Variants in TMEM63A observed in about 807,000 individuals in gnomAD.
TMEM63A encodes mechanosensitive cation channel TMEM63A.
A neutral mutation model predicts 100.6 loss-of-function variants in TMEM63A; 76 were observed. The ratio of observed to expected loss-of-function variants is 0.76; its 90% CI spans 0.63 to 0.91. The LOEUF (loss-of-function observed/expected upper bound fraction) is 0.91. Among genes scored for constraint, TMEM63A ranks in the 40% least tolerant of loss-of-function variants. The pLI, the probability that TMEM63A is intolerant of heterozygous loss-of-function variation, is 0.00. For missense variants in TMEM63A, 876 were observed against 1,008.8 expected, an observed-to-expected ratio of 0.87 and a Z score of 1.78; for synonymous variants, 401 against 401.1, an observed-to-expected ratio of 1.00 and a Z score of 0.00.
chr1:225,848,213 G>A (rs569670829), intron 23 of TMEM63A: 17 of 464,084 alleles, frequency 3.7e-5, no homozygotes, highest in Non-Finnish European at 5.7e-5. Flanking sequence ...AACTCACCAG[G>A]CATTAAATAT....
At position 225,859,503 on chromosome 1, in the gene TMEM63A, T is replaced by C. The variant is rs962777861; in HGVS notation, c.1224-154A>G. On this transcript the variant is annotated intron_variant, in intron 14 of 24. Transcript: ENST00000366835. ...AACTACAGAAAGACCAAATCTTAGG[T>C]CCCCAAGAGCTCAGAGGGAACAATT... 9.2e-5 allele frequency: 81 copies of C among 881,580 alleles called. No individual in the cohort carries two copies. In the African/African-American group the frequency reaches 1.2e-3, roughly 13 times the overall value. 54.6% of individuals were successfully genotyped at this position (881,580 alleles called of 1,614,324 possible).
In TMEM63A at chr1:225,867,857, C is replaced by T; in HGVS notation, c.514+31G>A. 1 of 1,613,542 alleles carries T rather than the reference C, an allele frequency of 6.2e-7. No individual in the cohort carries two copies. Among genetic ancestry groups the T allele is most frequent in the Non-Finnish European group, 8.5e-7 (1 of 1,179,700 alleles). On this transcript the variant is annotated intron_variant, in intron 7 of 24. Transcript: ENST00000366835. The surrounding 1 kb of genome is among the most constrained non-coding windows in gnomAD (Gnocchi z 4.6). ...CTAGGACTGCCACTCTGCCCCATTACAACATAGACAAGGGTGAGGAGGGTC... is the reference window on the plus strand; with the variant it reads ...CTAGGACTGCCACTCTGCCCCATTATAACATAGACAAGGGTGAGGAGGGTC...
Position 225,862,409 on chromosome 1 carries a change from C to A in TMEM63A, c.951+46G>T, listed in dbSNP as rs762158571. 1 of 1,613,840 alleles carries A rather than the reference C, an allele frequency of 6.2e-7. No individual in the cohort carries two copies. The highest frequency in any genetic ancestry group is 1.1e-5 in the South Asian group (1 of 91,068). On this transcript the variant is annotated intron_variant, in intron 12 of 24. Transcript: ENST00000366835. This position sits in a 1 kb window ranked among gnomAD's most constrained non-coding sequence, Gnocchi z 5.1. ...GGCCCCATGCTGGTATCTGGGGCACCCCGATGCCAATGCCTCTGCTCCCAG... is the reference window on the plus strand; with the variant it reads ...GGCCCCATGCTGGTATCTGGGGCACACCGATGCCAATGCCTCTGCTCCCAG...
rs771680778 is a variant in TMEM63A at position 225,846,590 on chromosome 1, C to T, written c.*349G>A. 1.3e-5 allele frequency: 2 copies of T among 154,672 alleles called. No individual in the cohort carries two copies. Among genetic ancestry groups the T allele is most frequent in the Non-Finnish European group, 2.9e-5 (2 of 69,810 alleles). 9.6% of individuals were successfully genotyped at this position (154,672 alleles called of 1,614,324 possible). ...TGGACTGCAGCATCTCTTTGGTTAT[C>T]GGTTGTGTGTGTGCTCAGAAGGGAG... On this transcript the variant is annotated 3_prime_UTR_variant, in exon 25 of 25. Transcript: ENST00000366835.
rs370296788 is a variant in TMEM63A at position 225,874,186 on chromosome 1, AT to A, written c.266+101del. On this transcript the variant is annotated intron_variant, in intron 4 of 24. Transcript: ENST00000366835. ...TTCCAGGGACACACACACACACACT[AT>A]ACACACATATATGCACACACGCACA... 111 of 1,160,392 alleles carry A rather than the reference AT, an allele frequency of 9.6e-5. 2 individuals are homozygous for A. The African/African-American group carries it at 1.5e-3, about 16-fold the overall frequency. 71.9% of individuals were successfully genotyped at this position (1,160,392 alleles called of 1,614,324 possible).
chr1:225,874,115 T>C (rs1211951544), intron 4 of TMEM63A, among the ~76,000 whole-genome samples, 173 bp downstream of exon 4: 3 of 152,206 alleles, frequency 2.0e-5, no homozygotes, highest in Non-Finnish European at 4.4e-5. Flanking sequence ...AGCAGTGTCA[T>C]GTGTGGGTCC....
At position 225,874,297 on chromosome 1, in the gene TMEM63A, T is replaced by G; in HGVS notation, c.257A>C (p.Glu86Ala). 6.2e-7 allele frequency: 1 copy of G among 1,614,012 alleles called. No individual in the cohort carries two copies. The highest frequency in any genetic ancestry group is 8.5e-7 in the Non-Finnish European group (1 of 1,179,996). The change falls in exon 4 of 25, where the codon GAA becomes GCA. Residue 86 changes from glutamate (E) to alanine (A), a missense_variant. Glu to Ala is a moderately radical substitution (Grantham distance 107). Coordinates refer to ENST00000366835, the MANE Select transcript of TMEM63A (RefSeq NM_014698.3). ...GGCGATATGTCTTTACCTGTCTGCT[T>G]CTGACACCAGGGCAATGCGGCCATA... is the stretch of plus-strand genomic sequence containing the variant. ...WDYGRIALVS[E>A]ADSESRFQRL... is the part of the protein sequence containing the mutation.
chr1:225,849,045 G>A, intron 21 of TMEM63A, 33 bp from the exon 22 acceptor site: 4 of 1,021,576 alleles, frequency 3.9e-6, no homozygotes, highest in Non-Finnish European at 4.5e-6. Context: ...CTTGGGGTGG[G>A]CAGGGAGGGG....
At position 225,862,437 on chromosome 1, in the gene TMEM63A, G is replaced by T. The variant is rs531251895; in HGVS notation, c.951+18C>A. The T allele has an allele frequency of 6.2e-7, 1 of 1,613,398 alleles. No homozygotes were observed. Among genetic ancestry groups the T allele is most frequent in the Admixed American group, 1.7e-5 (1 of 59,988 alleles). ...GATGCCAATGCCTCTGCTCCCAGCC[G>T]GGGGGTGGGACCCTTACCCACTCAC... On this transcript the variant is annotated intron_variant, in intron 12 of 24. Coordinates refer to ENST00000366835, the MANE Select transcript of TMEM63A (RefSeq NM_014698.3). This position sits in a 1 kb window ranked among gnomAD's most constrained non-coding sequence, Gnocchi z 5.1.
At chr1:225,866,056 A>G in intron 9 of TMEM63A, 89 bp from the exon 10 acceptor site, 1 of 1,371,052 alleles carries the variant, frequency 7.3e-7, no homozygotes, top group Non-Finnish European at 1.0e-6. Flanking sequence ...AGCCTCTGGA[A>G]AGTAAACAAC....
At chr1:225,859,789 C>T (rs1208176606) in intron 14 of TMEM63A, 10 of 169,954 alleles carry the variant, frequency 5.9e-5, no homozygotes, top group East Asian at 3.7e-4. Flanking sequence ...GGACTATAGG[C>T]GTGTACCACC....
chr1:225,878,404 G>T (rs545157938), intron 2 of TMEM63A, among the ~76,000 whole-genome samples: 1 of 152,142 alleles, frequency 6.6e-6, no homozygotes, highest in African/African-American at 2.4e-5. Context: ...CTAGCTCTGC[G>T]CTTTCACACA....
At position 225,859,197 on chromosome 1, in the gene TMEM63A, T is replaced by C. The variant is rs1276006170; in HGVS notation, c.1376A>G (p.Asn459Ser). The C allele has an allele frequency of 6.2e-7, 1 of 1,614,044 alleles. No homozygotes were observed. Residue 459 changes from asparagine (N) to serine (S), a missense_variant and splice_region_variant, in exon 15 of 25, where the codon AAT (asparagine) becomes AGT (serine). Physicochemically the swap from Asn to Ser is conservative, Grantham distance 46. Coordinates refer to ENST00000366835, the MANE Select transcript of TMEM63A (RefSeq NM_014698.3). ...FNVTKPIHAL[N>S]NPIISQFFPT... is the part of the protein sequence containing the mutation. ...GGGCCTTGCAGAACAGTTACTCACATTCAGCGCATGGATGGGTTTGGTGAC... is the reference window on the plus strand; with the variant it reads ...GGGCCTTGCAGAACAGTTACTCACACTCAGCGCATGGATGGGTTTGGTGAC...
intron 23 of TMEM63A, chr1:225,848,260 G>C: frequency 1.8e-6 from 1 of 552,698 alleles, no homozygotes; most frequent in South Asian, 2.4e-5. Context: ...TGAAACCAAG[G>C]GGGATGGCCA....
At chr1:225,855,344 A>G (rs1323478011) in intron 18 of TMEM63A, among the ~76,000 whole-genome samples, 1 of 152,212 alleles carries the variant, frequency 6.6e-6, no homozygotes, top group Non-Finnish European at 1.5e-5. Flanking sequence ...CTCATTGTAA[A>G]GATACAGTGA....
chr1:225,849,972 C>G lies in TMEM63A; in HGVS notation c.2011G>C (p.Ala671Pro), dbSNP rs747092012. 2 of 1,614,210 alleles carry G rather than the reference C, an allele frequency of 1.2e-6. No homozygotes were observed. Among genetic ancestry groups the G allele is most frequent in the Non-Finnish European group, 1.7e-6 (2 of 1,180,034 alleles). Residue 671 changes from alanine to proline, a missense_variant, in exon 21 of 25, where the codon GCC becomes CCC. Transcript: ENST00000366835. Reference protein sequence around the residue: ...KGIHFAAVNQALAAPILCLFW... With the variant: ...KGIHFAAVNQPLAAPILCLFW... Reference sequence around the variant, plus strand: ...AGGCACAGGATGGGGGCTGCCAAGGCCTGGTTCACAGCGGCAAAGTGGATC... The same window carrying G: ...AGGCACAGGATGGGGGCTGCCAAGGGCTGGTTCACAGCGGCAAAGTGGATC...
In TMEM63A at chr1:225,862,287, T is replaced by C. The variant is rs555104135; in HGVS notation, c.1016A>G (p.Glu339Gly). ...CAGGGGCTGGTCCTGGACGTGGCGTTCTTCCTCTGTGATCCTCTCCAGCAG... is the reference window on the plus strand; with the variant it reads ...CAGGGGCTGGTCCTGGACGTGGCGTCCTTCCTCTGTGATCCTCTCCAGCAG... Reference protein sequence around the residue: ...DRLLERITEEERHVQDQPLGM... With the variant: ...DRLLERITEEGRHVQDQPLGM... Residue 339 changes from glutamate (E) to glycine (G), a missense_variant, in exon 13 of 25, where the codon GAA (glutamate) becomes GGA (glycine). By Grantham distance (98) the Glu-to-Gly change is moderately conservative. Around this residue, in one of 5 missense-constraint regions of TMEM63A, gnomAD observed 487 missense variants for 581.9 expected, o/e 0.84. Transcript: ENST00000366835. The surrounding 1 kb of genome is among the most constrained non-coding windows in gnomAD (Gnocchi z 5.1). 6.2e-7 allele frequency: 1 copy of C among 1,614,166 alleles called. No individual in the cohort carries two copies. The highest frequency in any genetic ancestry group is 1.3e-5 in the African/African-American group (1 of 75,034).
Position 225,847,095 on chromosome 1 carries a change from T to G in TMEM63A, c.2369A>C (p.Gln790Pro), listed in dbSNP as rs1263039802. 13 of 1,613,760 alleles carry G rather than the reference T, an allele frequency of 8.1e-6. No individual in the cohort carries two copies. Among genetic ancestry groups the G allele is most frequent in the Non-Finnish European group, 1.1e-5 (13 of 1,179,966 alleles). Reference protein sequence around the residue: ...IHNISGTIPGQCLAQSATGSV... With the variant: ...IHNISGTIPGPCLAQSATGSV... ...GCCCGTGGCGCTCTGCGCCAAGCAC[T>G]GTCCAGGGATAGTCCCGCTGATGTT... is the stretch of plus-strand genomic sequence containing the variant. Residue 790 changes from glutamine to proline, a missense_variant, in exon 24 of 25, where the codon CAG becomes CCG. Transcript: ENST00000366835.
chr1:225,859,439 A>G, intron 14 of TMEM63A, 90 bp from the exon 15 acceptor site: 1 of 1,515,790 alleles, frequency 6.6e-7, no homozygotes, highest in Non-Finnish European at 8.9e-7. Context: ...AGGCAGACCA[A>G]GAGACTAGCC....
Sources: gnomAD v4.1 joint callset for allele counts (sites outside exome capture counted in the v4.1 genomes callset) on GRCh38, gnomAD v4.1.1 for gene constraint, gnomAD v4.1.1 regional missense constraint, Gnocchi (gnomAD v3.1) non-coding constraint, MANE v1.5 for transcripts, NCBI Gene and HGNC (gene_info 2026-07-23, HGNC 2026-07-21) for gene names.